Variants in FNDC3B observed in about 807,000 individuals in gnomAD.
The protein encoded by FNDC3B is fibronectin type III domain-containing protein 3B.
In FNDC3B, 12 loss-of-function variants were observed where a neutral mutation model predicts 151.5. The observed-to-expected ratio is 0.08, with a 90% CI of 0.05 to 0.13. FNDC3B has a LOEUF of 0.13. FNDC3B is among the 10% of genes least tolerant of loss of function. The probability of loss-of-function intolerance (pLI) is 1.00; values close to 1 mark genes in which losing one functional copy is unlikely to be tolerated. For synonymous variants in FNDC3B, 528 were observed against 549.0 expected (o/e 0.96, Z 0.54); for missense variants, 1,214 against 1,505.3 (o/e 0.81, Z 3.20).
At chr3:172,130,725 G>A (rs539927015) in intron 2 of FNDC3B, among the ~76,000 whole-genome samples, 17 of 152,302 alleles carry the variant, frequency 1.1e-4, no homozygotes, top group African/African-American at 4.1e-4. Context: ...TAATACTGGT[G>A]AATTGTATTT....
chr3:172,326,718 C>T (rs964769275), intron 11 of FNDC3B, among the ~76,000 whole-genome samples: 1 of 152,172 alleles, frequency 6.6e-6, no homozygotes, highest in African/African-American at 2.4e-5. Context: ...CATTTCTCCC[C>T]TTCGAACCCT....
intron 3 of FNDC3B, among the ~76,000 whole-genome samples, chr3:172,142,238 T>C (rs1474013609): frequency 6.6e-6 from 1 of 152,236 alleles, no homozygotes; most frequent in Non-Finnish European, 1.5e-5. Context: ...TTTTGTTAGC[T>C]AATCATTTTT....
At chr3:172,285,873 C>A in intron 6 of FNDC3B, 53 bp from the exon 7 acceptor site, 4 of 1,404,164 alleles carry the variant, frequency 2.8e-6, no homozygotes, top group Non-Finnish European at 4.0e-6. Flanking sequence ...AACTTGACAA[C>A]CTTACTGCCT....
chr3:172,315,098 C>T lies in FNDC3B; in HGVS notation c.1254+4217C>T, dbSNP rs963232755. Among the ~76,000 whole-genome samples, 11 of 152,252 alleles carry T rather than the reference C, an allele frequency of 7.2e-5. 1 individual carries two copies. Among genetic ancestry groups the T allele is most frequent in the Middle Eastern group, 6.8e-3 (2 of 294 alleles). On this transcript the variant is annotated intron_variant, in intron 11 of 25. Coordinates refer to ENST00000415807, the MANE Select transcript of FNDC3B (RefSeq NM_022763.4). ...AGCAGCTAAAAACGGAATTTACAGCCGGGCGCGGTGGCTCACGCCTGTAAT... is the reference window on the plus strand; with the variant it reads ...AGCAGCTAAAAACGGAATTTACAGCTGGGCGCGGTGGCTCACGCCTGTAAT...
chr3:172,298,563 C>T (rs547098866), intron 8 of FNDC3B, among the ~76,000 whole-genome samples, 165 bp from the exon 9 acceptor site: 55 of 152,276 alleles, frequency 3.6e-4, no homozygotes, highest in African/African-American at 1.3e-3. Context: ...TTTCTAGTCC[C>T]AAACAAATAA....
intron 2 of FNDC3B, among the ~76,000 whole-genome samples, chr3:172,114,214 C>T (rs769055839): frequency 1.3e-5 from 2 of 152,170 alleles, no homozygotes; most frequent in Non-Finnish European, 2.9e-5. Context: ...TCTGCCTGCT[C>T]TTCTGCTCAC....
intron 6 of FNDC3B, among the ~76,000 whole-genome samples, chr3:172,270,608 G>A (rs983039756): frequency 2.6e-5 from 4 of 152,130 alleles, no homozygotes; most frequent in African/African-American, 4.8e-5. Flanking sequence ...ATCACATCAC[G>A]CTTCTCTACA....
intron 3 of FNDC3B, among the ~76,000 whole-genome samples, chr3:172,171,121 A>G (rs1934371309): frequency 6.6e-6 from 1 of 152,204 alleles, no homozygotes; most frequent in Non-Finnish European, 1.5e-5. Context: ...ACAGAAATGG[A>G]AAGTGGAGGT....
rs75397787 is a variant in FNDC3B, at chr3:172,219,834, C to G, written c.188-7037C>G. The stretch of plus-strand genomic sequence containing the variant: ...GGAGTAGTATTCTATGGTTTGTACA[C>G]ATTTTATCCATCCTTCTCCTGATGG... On this transcript the variant is annotated intron_variant, in intron 3 of 25. Transcript: ENST00000415807. Among the ~76,000 whole-genome samples the G allele has an allele frequency of 5.3e-3, 805 of 152,322 alleles. 11 individuals carry two copies. Among genetic ancestry groups the G allele is most frequent in the African/African-American group, 0.019 (773 of 41,580 alleles).
At chr3:172,324,278 C>T (rs1455265425) in intron 11 of FNDC3B, among the ~76,000 whole-genome samples, 1 of 152,070 alleles carries the variant, frequency 6.6e-6, no homozygotes, top group Non-Finnish European at 1.5e-5. Context: ...GAGCCAAGTC[C>T]TTTCCTGGAG....
intron 9 of FNDC3B, among the ~76,000 whole-genome samples, chr3:172,305,963 A>G (rs1731175314): frequency 6.6e-6 from 1 of 152,198 alleles, no homozygotes; most frequent in Non-Finnish European, 1.5e-5. Flanking sequence ...GAGCATCCCA[A>G]TGATAAGCAT....
intron 24 of FNDC3B, 146 bp from the exon 25 acceptor site, chr3:172,380,820 T>A: frequency 1.2e-6 from 1 of 823,726 alleles, no homozygotes; most frequent in Non-Finnish European, 1.9e-6. Context: ...GCTGGTTTTA[T>A]GAGAGGCTGG....
At chr3:172,045,766 GTCTCTCTCTCTC>G (rs67916203) in intron 1 of FNDC3B, among the ~76,000 whole-genome samples, 6 of 147,156 alleles carry the variant, frequency 4.1e-5, no homozygotes, top group African/African-American at 1.3e-4. Context: ...TTTACTGAGT[GTCTCTCTCTCTC>G]TCTCTCTCTC....
At chr3:172,371,710 G>A (rs1466673991) in intron 23 of FNDC3B, among the ~76,000 whole-genome samples, 1 of 152,194 alleles carries the variant, frequency 6.6e-6, no homozygotes, top group African/African-American at 2.4e-5. Context: ...TGGGCGCATT[G>A]CCCCATCTTG....
Position 172,210,719 on chromosome 3 carries a change from A to G in FNDC3B, c.188-16152A>G, listed in dbSNP as rs116224736. On this transcript the variant is annotated intron_variant, in intron 3 of 25. Transcript: ENST00000415807. ...TTTCAGCCAAGTGCAAAAAAATGAA[A>G]AGATTTGCACATGAATATGCAAACA... is the stretch of plus-strand genomic sequence containing the variant. Among the ~76,000 whole-genome samples the G allele has an allele frequency of 5.4e-4, 83 of 152,340 alleles. 1 individual carries two copies. The highest frequency in any genetic ancestry group is 1.9e-3 in the African/African-American group (80 of 41,588).
chr3:172,248,737 T>A (rs961877564), intron 5 of FNDC3B, among the ~76,000 whole-genome samples: 48 of 148,410 alleles, frequency 3.2e-4, no homozygotes, highest in Middle Eastern at 7.1e-3. Context: ...AATTATATTT[T>A]TATATATATA....
chr3:172,347,203 C>A lies in FNDC3B; in HGVS notation c.2365-9C>A. ...GCATTATTAACTACTTCCATTTCTG[C>A]CTTTCCAGAGTCCTGATAGTTCTGG... is the stretch of plus-strand genomic sequence containing the variant. On this transcript the variant is annotated splice_polypyrimidine_tract_variant and intron_variant, in intron 20 of 25. Transcript: ENST00000415807. 1 of 1,606,106 alleles carries A rather than the reference C, an allele frequency of 6.2e-7. No homozygotes were observed. The highest frequency in any genetic ancestry group is 1.1e-5 in the South Asian group (1 of 89,842).
chr3:172,146,737 A>G (rs1248369876), intron 3 of FNDC3B, among the ~76,000 whole-genome samples: 1 of 152,180 alleles, frequency 6.6e-6, no homozygotes, highest in Non-Finnish European at 1.5e-5. Context: ...TTGTATTCTT[A>G]TACATATTAA....
chr3:172,094,349 A>G (rs1192793659), intron 1 of FNDC3B, among the ~76,000 whole-genome samples: 1 of 152,228 alleles, frequency 6.6e-6, no homozygotes, highest in Non-Finnish European at 1.5e-5. Context: ...CCACCAGTCT[A>G]CTTTCTGTCT....
Sources: allele counts gnomAD v4.1 joint callset (sites outside exome capture counted in the v4.1 genomes callset), GRCh38; gene constraint gnomAD v4.1.1; transcripts MANE v1.5; gene names NCBI Gene and HGNC (gene_info 2026-07-23, HGNC 2026-07-21).